MIER2: variants seen among roughly 807,000 people sequenced by gnomAD.
The protein encoded by MIER2 is MIER family member 2.
In MIER2, 30 loss-of-function variants were observed where a neutral mutation model predicts 67.6. The observed-to-expected ratio is 0.44, with a 90% CI of 0.33 to 0.60. MIER2 has a LOEUF of 0.60. MIER2 is among the 20% of genes least tolerant of loss of function. The pLI, the probability that MIER2 is intolerant of heterozygous loss-of-function variation, is 0.02. For missense variants in MIER2, 702 were observed against 745.1 expected (o/e 0.94, Z 0.67); for synonymous variants, 372 against 312.6 (o/e 1.19, Z -2.00).
chr19:332,052 A>C (rs2145508379), intron 3 of MIER2, among the ~76,000 whole-genome samples: 1 of 152,304 alleles, frequency 6.6e-6, no homozygotes, highest in Non-Finnish European at 1.5e-5. Flanking sequence ...AAAACTAAAA[A>C]TTCAGTCTTC....
rs375512079 is a variant in MIER2 at position 325,650 on chromosome 19, G to T, written c.640C>A (p.Arg214=). The change falls in exon 7 of 14, where the codon CGG becomes AGG. Residue 214 remains arginine (R), a synonymous_variant. Transcript: ENST00000264819. Reference sequence around the variant, plus strand: ...CCCTACTTACTCTTCTCACAGTGCCGGTTCAAGTGCAGGTTGCTGAGGTCA... The same window carrying T: ...CCCTACTTACTCTTCTCACAGTGCCTGTTCAAGTGCAGGTTGCTGAGGTCA... ...QADLSNLHLN[R]HCEKIYENED... is the part of the protein sequence containing the mutation. The T allele has an allele frequency of 6.2e-7, 1 of 1,614,172 alleles. No individual in the cohort carries two copies. The highest frequency in any genetic ancestry group is 8.5e-7 in the Non-Finnish European group (1 of 1,180,022).
chr19:331,336 C>T (rs1972012251), intron 3 of MIER2, among the ~76,000 whole-genome samples: 1 of 142,016 alleles, frequency 7.0e-6, no homozygotes, highest in East Asian at 2.0e-4. Flanking sequence ...CCAGTCTGGG[C>T]AACAGAGTGA....
At chr19:328,724 G>A (rs1971881105) in intron 3 of MIER2, among the ~76,000 whole-genome samples, 1 of 152,114 alleles carries the variant, frequency 6.6e-6, no homozygotes, top group Non-Finnish European at 1.5e-5. Flanking sequence ...CTCCAGCCTG[G>A]GTGGCAGAGT....
chr19:325,671 G>C lies in MIER2; in HGVS notation c.619C>G (p.Leu207Val). ...TGCCGGTTCAAGTGCAGGTTGCTGA[G>C]GTCAGCTTGGAACTGAGGTCCCACC... is the stretch of plus-strand genomic sequence containing the variant. ...IMVGPQFQADLSNLHLNRHCE... is the reference protein window; with the variant it reads ...IMVGPQFQADVSNLHLNRHCE... The change falls in exon 7 of 14, where the codon CTC becomes GTC. Residue 207 changes from leucine (L) to valine (V), a missense_variant. Around this residue, in one of 3 missense-constraint regions of MIER2, gnomAD observed 320 missense variants for 292.6 expected, o/e 1.09. Transcript: ENST00000264819. The C allele has an allele frequency of 6.2e-7, 1 of 1,614,224 alleles. No homozygotes were observed. Among genetic ancestry groups the C allele is most frequent in the Non-Finnish European group, 8.5e-7 (1 of 1,180,052 alleles).
chr19:313,697 C>T, intron 7 of MIER2, 54 bp from the exon 8 acceptor site: 2 of 1,572,992 alleles, frequency 1.3e-6, no homozygotes, highest in South Asian at 2.3e-5. Context: ...TGCACCCACA[C>T]ACGCCAGGAC....
chr19:341,227 C>A (rs182221530), intron 1 of MIER2, among the ~76,000 whole-genome samples: 104 of 152,302 alleles, frequency 6.8e-4, no homozygotes, highest in African/African-American at 2.5e-3. Flanking sequence ...AGGAGCCTGA[C>A]TAACAAGGGG....
intron 1 of MIER2, among the ~76,000 whole-genome samples, chr19:339,682 C>T (rs1333932258): frequency 6.6e-6 from 1 of 152,172 alleles, no homozygotes; most frequent in Admixed American, 6.6e-5. Flanking sequence ...GGACGCACCT[C>T]GAAAGACTCA....
rs189671070 is a variant in MIER2 at position 317,563 on chromosome 19, T to A, written c.656-3920A>T. ...ATAAATAAATAAATAAATAAATAAA[T>A]AAAATAAAAATACAAAATTAGCCAG... On this transcript the variant is annotated intron_variant, in intron 7 of 13. Coordinates refer to ENST00000264819, the MANE Select transcript of MIER2 (RefSeq NM_017550.3). Among the ~76,000 whole-genome samples the A allele has an allele frequency of 1.7e-4, 25 of 145,620 alleles. 1 individual carries two copies. Among genetic ancestry groups the A allele is most frequent in the Middle Eastern group, 3.5e-3 (1 of 288 alleles).
chr19:309,861 G>A (rs1343335312), intron 10 of MIER2, among the ~76,000 whole-genome samples: 1 of 27,368 alleles, frequency 3.7e-5, no homozygotes, highest in African/African-American at 9.9e-5. Flanking sequence ...GCTTCAGGGA[G>A]ACGAGAAGGG....
intron 1 of MIER2, among the ~76,000 whole-genome samples, chr19:336,598 C>T (rs1014481022): frequency 6.6e-6 from 1 of 152,076 alleles, no homozygotes; most frequent in African/African-American, 2.4e-5. Flanking sequence ...AATGGGGGCT[C>T]GTGGGGGCCA....
Position 344,786 on chromosome 19 carries a change from C to T in MIER2, c.-4G>A. The T allele has an allele frequency of 8.4e-7, 1 of 1,196,742 alleles. No homozygotes were observed. Among genetic ancestry groups the T allele is most frequent in the Non-Finnish European group, 1.0e-6 (1 of 965,308 alleles). The allele number at this position is 1,196,742 out of a possible 1,614,324, so 74.1% of individuals were successfully genotyped here. On this transcript the variant is annotated 5_prime_UTR_variant, in exon 1 of 14. Coordinates refer to ENST00000264819, the MANE Select transcript of MIER2 (RefSeq NM_017550.3). Reference sequence around the variant, plus strand: ...CCCGCTCACTCACCTCCGCCATGGCCGTGTGTGCGCGGGAGGCGGTGGCCG... The same window carrying T: ...CCCGCTCACTCACCTCCGCCATGGCTGTGTGTGCGCGGGAGGCGGTGGCCG...
At chr19:325,803 A>G (rs538690634) in intron 6 of MIER2, 99 bp from the exon 7 acceptor site, 15 of 1,307,058 alleles carry the variant, frequency 1.1e-5, no homozygotes, top group South Asian at 2.4e-5. Flanking sequence ...GGGAGGGGCC[A>G]CTGTCCAGAC....
At chr19:333,858 T>C (rs1053938446) in intron 3 of MIER2, among the ~76,000 whole-genome samples, 1 of 151,240 alleles carries the variant, frequency 6.6e-6, no homozygotes, top group African/African-American at 2.4e-5. Flanking sequence ...CCGGCTAATT[T>C]TGTTTTTGTA....
At chr19:335,524 T>C (rs1972203894) in intron 2 of MIER2, among the ~76,000 whole-genome samples, 1 of 152,102 alleles carries the variant, frequency 6.6e-6, no homozygotes, top group Non-Finnish European at 1.5e-5. Context: ...ACTAGTTTGA[T>C]ACGGAAAGAG....
intron 10 of MIER2, among the ~76,000 whole-genome samples, chr19:311,235 T>G (rs1970986008): frequency 6.6e-6 from 1 of 152,152 alleles, no homozygotes; most frequent in Non-Finnish European, 1.5e-5. Context: ...GTCAGAGCCA[T>G]GGGAAGGTTT....
intron 1 of MIER2, chr19:344,253 G>T (rs1052168652): frequency 5.1e-6 from 5 of 985,360 alleles, no homozygotes; most frequent in Middle Eastern, 5.2e-4. Flanking sequence ...TCCCGCCCGG[G>T]GTCTGACCCA....
chr19:313,692 C>G, intron 7 of MIER2, 49 bp from the exon 8 acceptor site: 1 of 1,584,960 alleles, frequency 6.3e-7, no homozygotes, highest in Non-Finnish European at 8.5e-7. Flanking sequence ...CAATCTGCAC[C>G]CACACACGCC....
rs1971801536 is a variant in MIER2, at chr19:327,248, T to A, written c.378A>T (p.Ile126=). ...CTTCCCCTGAAAGCAAATCCTTCGC[T>A]ATTTGTTCCTTTAAAAAAAAAAAAA... is the stretch of plus-strand genomic sequence containing the variant. The part of the protein sequence containing the change: ...LPDMTLDKEQ[I]AKDLLSGEEE... The change falls in exon 5 of 14, where the codon ATA becomes ATT. Residue 126 remains isoleucine, a synonymous_variant. Coordinates refer to ENST00000264819, the MANE Select transcript of MIER2 (RefSeq NM_017550.3). 6.4e-7 allele frequency: 1 copy of A among 1,574,490 alleles called. No individual in the cohort carries two copies. Among genetic ancestry groups the A allele is most frequent in the African/African-American group, 1.4e-5 (1 of 69,982 alleles).
intron 3 of MIER2, among the ~76,000 whole-genome samples, chr19:328,731 G>C (rs1971881473): frequency 6.6e-6 from 1 of 152,130 alleles, no homozygotes; most frequent in South Asian, 2.1e-4. Context: ...CTGGGTGGCA[G>C]AGTGAGAATC....
Sources: allele counts gnomAD v4.1 joint callset (sites outside exome capture counted in the v4.1 genomes callset), GRCh38; gene constraint gnomAD v4.1.1; regional missense constraint gnomAD v4.1.1; transcripts MANE v1.5; gene names NCBI Gene and HGNC (gene_info 2026-07-23, HGNC 2026-07-21).